Variants in TLE4 observed in about 807,000 individuals in gnomAD.
TLE4 encodes transducin-like enhancer protein 4.
A neutral mutation model predicts 92.8 loss-of-function variants in TLE4; 8 were observed. The ratio of observed to expected loss-of-function variants is 0.09; its 90% confidence interval spans 0.05 to 0.16. The LOEUF (loss-of-function observed/expected upper bound fraction) is 0.16, where lower values mean the gene tolerates loss of function less well. Among genes scored for constraint, TLE4 ranks in the 10% least tolerant of loss-of-function variants. TLE4 has a pLI of 1.00. For synonymous variants in TLE4, 371 were observed against 374.1 expected (o/e 0.99, Z 0.10); for missense variants, 675 against 997.6 (o/e 0.68, Z 4.36).
chr9:79,705,248 A>G (rs566351856), intron 9 of TLE4, among the ~76,000 whole-genome samples: 3 of 152,382 alleles, frequency 2.0e-5, no homozygotes, highest in East Asian at 1.9e-4. Flanking sequence ...ATCATAAAAA[A>G]TGTGTTTAAA....
intron 8 of TLE4, among the ~76,000 whole-genome samples, chr9:79,666,026 T>G (rs2061333444): frequency 6.6e-6 from 1 of 152,152 alleles, no homozygotes; most frequent in Non-Finnish European, 1.5e-5. Context: ...CAATTTTTTA[T>G]GCCAAGAACT....
chr9:79,623,118 A>G (rs879188969), intron 5 of TLE4, among the ~76,000 whole-genome samples: 1 of 152,118 alleles, frequency 6.6e-6, no homozygotes, highest in Admixed American at 6.5e-5. Flanking sequence ...ACAGGTACCC[A>G]TACTAAACAT....
intron 5 of TLE4, among the ~76,000 whole-genome samples, chr9:79,615,284 C>T (rs2049274131): frequency 6.6e-6 from 1 of 152,192 alleles, no homozygotes; most frequent in Non-Finnish European, 1.5e-5. Context: ...GTGAGCATCA[C>T]TGTGCCAGGA....
intron 4 of TLE4, among the ~76,000 whole-genome samples, chr9:79,605,874 T>C (rs1449771731): frequency 6.6e-6 from 1 of 152,056 alleles, no homozygotes; most frequent in African/African-American, 2.4e-5. Flanking sequence ...CAAGTTGACA[T>C]TGCTTGTGGT....
intron 8 of TLE4, among the ~76,000 whole-genome samples, chr9:79,669,649 A>G (rs979525690): frequency 1.3e-5 from 2 of 152,248 alleles, no homozygotes; most frequent in Admixed American, 6.5e-5. Flanking sequence ...CTGTTCTCCA[A>G]CCTCATTTAT....
intron 8 of TLE4, among the ~76,000 whole-genome samples, chr9:79,685,250 T>C (rs2065604238): frequency 6.6e-6 from 1 of 152,196 alleles, no homozygotes; most frequent in Non-Finnish European, 1.5e-5. Flanking sequence ...GCTGGGTAAT[T>C]TGTATACTGC....
chr9:79,706,955 AT>A, intron 11 of TLE4, 56 bp downstream of exon 11: 2 of 1,587,730 alleles, frequency 1.3e-6, no homozygotes, highest in African/African-American at 2.7e-5. Flanking sequence ...TGATGTTTGA[AT>A]TTGATGTTTT....
At chr9:79,578,773 ATAAT>A (rs1043723477) in intron 4 of TLE4, among the ~76,000 whole-genome samples, 8 of 152,228 alleles carry the variant, frequency 5.3e-5, no homozygotes, top group South Asian at 2.1e-4. Flanking sequence ...GTTTGAGAAC[ATAAT>A]TAATTTAAAT....
At chr9:79,606,242 G>C (rs1587990025) in intron 4 of TLE4, among the ~76,000 whole-genome samples, 1 of 93,648 alleles carries the variant, frequency 1.1e-5, no homozygotes, top group Non-Finnish European at 1.9e-5. Context: ...CACTTGAACT[G>C]AAATAAAGCT....
chr9:79,708,382 G>T, intron 12 of TLE4, 132 bp downstream of exon 12: 1 of 1,227,482 alleles, frequency 8.1e-7, no homozygotes, highest in Non-Finnish European at 1.1e-6. Flanking sequence ...TACTTAACCT[G>T]AACCGAGCAC....
At position 79,680,914 on chromosome 9, in the gene TLE4, T is replaced by C. The variant is rs540419681; in HGVS notation, c.610-23869T>C. 2.7e-3 allele frequency among the ~76,000 whole-genome samples: 415 copies of C among 152,334 alleles called. 2 individuals carry two copies. Among genetic ancestry groups the C allele is most frequent in the African/African-American group, 9.5e-3 (396 of 41,592 alleles). ...TGGTTTTTGTCTGTGGTTTTGTTTA[T>C]ATGCTGGATTACATTTATTGATTTG... On this transcript the variant is annotated intron_variant, in intron 8 of 19. Transcript: ENST00000376552.
In TLE4 at chr9:79,722,512, A is replaced by G. The variant is rs778417015; in HGVS notation, c.2048A>G (p.Asn683Ser). ...EWLAVGMENS[N>S]VEVLHVTKPD... is the part of the protein sequence containing the mutation. ...CTTGCAGTGGGGATGGAGAACAGCA[A>G]TGTGGAAGTTTTGCATGTCACCAAG... The change falls in exon 18 of 20, where the codon AAT becomes AGT. Residue 683 changes from asparagine (N) to serine (S), a missense_variant. Coordinates refer to ENST00000376552, the MANE Select transcript of TLE4 (RefSeq NM_007005.6). The G allele has an allele frequency of 2.6e-5, 42 of 1,614,092 alleles. No individual in the cohort carries two copies. Among genetic ancestry groups the G allele is most frequent in the Non-Finnish European group, 3.2e-5 (38 of 1,180,044 alleles).
At chr9:79,576,199 AT>A (rs768029079) in intron 4 of TLE4, 22 bp downstream of exon 4, 11 of 1,506,874 alleles carry the variant, frequency 7.3e-6, no homozygotes. Context: ...CTTTATAACC[AT>A]TTTAAATGAC....
intron 4 of TLE4, among the ~76,000 whole-genome samples, chr9:79,578,744 G>A (rs916806513): frequency 2.0e-5 from 3 of 151,790 alleles, no homozygotes; most frequent in African/African-American, 4.8e-5. Context: ...GCATAATGTT[G>A]CCAATTTTTA....
chr9:79,649,723 A>G, intron 6 of TLE4: 2 of 1,021,408 alleles, frequency 2.0e-6, no homozygotes, highest in Non-Finnish European at 2.7e-6. Context: ...GACCTCAGGA[A>G]GCCTTACTGT....
At chr9:79,591,390 G>T (rs2042497743) in intron 4 of TLE4, among the ~76,000 whole-genome samples, 1 of 152,202 alleles carries the variant, frequency 6.6e-6, no homozygotes, top group Non-Finnish European at 1.5e-5. Context: ...AGTGTTTCCA[G>T]CTTTATTGAG....
chr9:79,624,134 G>T (rs1240990563), intron 5 of TLE4, among the ~76,000 whole-genome samples: 1 of 142,006 alleles, frequency 7.0e-6, no homozygotes, highest in Non-Finnish European at 1.5e-5. Flanking sequence ...AAAACTTGCT[G>T]TTTTTTTCTG....
chr9:79,687,447 C>A (rs540880574), intron 8 of TLE4, among the ~76,000 whole-genome samples: 2 of 152,286 alleles, frequency 1.3e-5, no homozygotes, highest in African/African-American at 4.8e-5. Context: ...CTTCTCTAAT[C>A]TTTTCAGAAA....
intron 6 of TLE4, among the ~76,000 whole-genome samples, chr9:79,644,626 T>A (rs1280007007): frequency 6.6e-6 from 1 of 152,222 alleles, no homozygotes; most frequent in African/African-American, 2.4e-5. Flanking sequence ...CTAGCCCGAC[T>A]TACAGACAGG....
Sources: allele counts gnomAD v4.1 joint callset (sites outside exome capture counted in the v4.1 genomes callset), GRCh38; gene constraint gnomAD v4.1.1; transcripts MANE v1.5; gene names NCBI Gene and HGNC (gene_info 2026-07-23, HGNC 2026-07-21).